HNRNPM: variants seen among roughly 807,000 people sequenced by gnomAD.
The protein encoded by HNRNPM is CEA receptor.
Under a neutral mutation model 73.1 loss-of-function variants are expected in HNRNPM, and 11 were observed. The ratio of observed to expected loss-of-function variants is 0.15; its 90% CI spans 0.09 to 0.25. The LOEUF is 0.25. Ranked by LOEUF, HNRNPM falls within the 10% of genes least tolerant of loss-of-function variation. The pLI is 1.00. For missense variants in HNRNPM, 789 were observed against 1,067.9 expected (o/e 0.74, Z 3.64); for synonymous variants, 407 against 355.2 (o/e 1.15, Z -1.64).
At chr19:8,476,995 C>T (rs1235008464) in intron 12 of HNRNPM, among the ~76,000 whole-genome samples, 1 of 152,074 alleles carries the variant, frequency 6.6e-6, no homozygotes, top group East Asian at 1.9e-4. Context: ...TTAAGCCCAC[C>T]ATTGGCAGCC....
In HNRNPM at chr19:8,461,427, G is replaced by C. The variant is rs974402031; in HGVS notation, c.284-1102G>C. On this transcript the variant is annotated intron_variant, in intron 2 of 15. Coordinates refer to ENST00000325495, the MANE Select transcript of HNRNPM (RefSeq NM_005968.5). Reference sequence around the variant, plus strand: ...TACTGCTAAACCAAACCGATCCAGAGGACAACAAAAGCCCATTTTTTGCCT... The same window carrying C: ...TACTGCTAAACCAAACCGATCCAGACGACAACAAAAGCCCATTTTTTGCCT... Among the ~76,000 whole-genome samples the C allele has an allele frequency of 2.5e-4, 38 of 152,166 alleles. 1 individual carries two copies. The highest frequency in any genetic ancestry group is 9.2e-4 in the African/African-American group (38 of 41,422).
intron 12 of HNRNPM, among the ~76,000 whole-genome samples, chr19:8,482,091 G>A (rs963245312): frequency 1.1e-4 from 17 of 150,142 alleles, no homozygotes; most frequent in Admixed American, 1.0e-3. Flanking sequence ...TCCCGCCTCA[G>A]CCTCCTGAGT....
Position 8,465,710 on chromosome 19 carries a change from G to A in HNRNPM, c.630+195G>A, listed in dbSNP as rs148026964. 1.2e-3 allele frequency among the ~76,000 whole-genome samples: 185 copies of A among 152,300 alleles called. 2 individuals are homozygous for A. Among genetic ancestry groups the A allele is most frequent in the African/African-American group, 4.3e-3 (179 of 41,564 alleles). Reference sequence around the variant, plus strand: ...AAGTCACAGGCTTGACCGTGGTCTCGTTGGGGCTGTGATTCCTGAGTTTCG... The same window carrying A: ...AAGTCACAGGCTTGACCGTGGTCTCATTGGGGCTGTGATTCCTGAGTTTCG... On this transcript the variant is annotated intron_variant, in intron 6 of 15. Coordinates refer to ENST00000325495, the MANE Select transcript of HNRNPM (RefSeq NM_005968.5).
chr19:8,456,294 C>G (rs547913782), intron 2 of HNRNPM, among the ~76,000 whole-genome samples: 1 of 152,226 alleles, frequency 6.6e-6, no homozygotes, highest in Non-Finnish European at 1.5e-5. Context: ...GATCCTCACC[C>G]CCGTGCACAC....
chr19:8,486,462 C>A, intron 14 of HNRNPM, 57 bp downstream of exon 14: 1 of 1,427,756 alleles, frequency 7.0e-7, no homozygotes, highest in Non-Finnish European at 9.4e-7. Context: ...ACAGGGGAGG[C>A]AAAGATCAGC....
chr19:8,484,085 T>C (rs534666907), intron 13 of HNRNPM, among the ~76,000 whole-genome samples: 1 of 152,186 alleles, frequency 6.6e-6, no homozygotes, highest in East Asian at 1.9e-4. Context: ...CAGCCTGATT[T>C]TCCCTCTGAG....
At chr19:8,483,308 A>ATC (rs1971049117) in intron 13 of HNRNPM, 97 bp downstream of exon 13, 3 of 912,262 alleles carry the variant, frequency 3.3e-6, no homozygotes, top group Non-Finnish European at 5.4e-6. Flanking sequence ...GTTCTGACAC[A>ATC]GACTGCCCGG....
At chr19:8,479,919 C>T (rs375118452) in intron 12 of HNRNPM, among the ~76,000 whole-genome samples, 2 of 149,444 alleles carry the variant, frequency 1.3e-5, no homozygotes, top group African/African-American at 2.5e-5. Context: ...GGATTACAGG[C>T]GCGTGCCCCC....
At position 8,466,221 on chromosome 19, in the gene HNRNPM, T is replaced by C; in HGVS notation, c.631-14T>C. On this transcript the variant is annotated splice_polypyrimidine_tract_variant and intron_variant, in intron 6 of 15. Transcript: ENST00000325495. ...GTTTACATTGAGGTTTTTACCCCGT[T>C]CTCTCTCGATTAGCTGGATTATAAA... The C allele has an allele frequency of 6.2e-7, 1 of 1,608,910 alleles. No individual in the cohort carries two copies. The highest frequency in any genetic ancestry group is 1.7e-5 in the Admixed American group (1 of 58,228).
At chr19:8,466,700 C>T (rs1403170867) in intron 7 of HNRNPM, among the ~76,000 whole-genome samples, 5 of 151,794 alleles carry the variant, frequency 3.3e-5, no homozygotes, top group Non-Finnish European at 7.4e-5. Context: ...GTGGTGGGTG[C>T]CTGTAATCCC....
At chr19:8,477,858 C>G (rs1299008558) in intron 12 of HNRNPM, among the ~76,000 whole-genome samples, 1 of 152,168 alleles carries the variant, frequency 6.6e-6, no homozygotes, top group African/African-American at 2.4e-5. Flanking sequence ...GGCTTCTGCA[C>G]TGGATTTGAG....
intron 2 of HNRNPM, among the ~76,000 whole-genome samples, chr19:8,461,049 C>CT (rs1437836413): frequency 1.3e-5 from 2 of 152,176 alleles, no homozygotes; most frequent in Non-Finnish European, 2.9e-5. Flanking sequence ...AGTACATACT[C>CT]TAAAAGTAAA....
intron 15 of HNRNPM, 33 bp from the exon 16 acceptor site, chr19:8,488,658 T>C (rs746661797): frequency 1.3e-6 from 2 of 1,589,288 alleles, no homozygotes; most frequent in South Asian, 1.1e-5. Context: ...AAATCGGGAC[T>C]GAGTGTCGTC....
intron 1 of HNRNPM, among the ~76,000 whole-genome samples, chr19:8,454,929 G>C (rs1968897795): frequency 6.6e-6 from 1 of 152,092 alleles, no homozygotes; most frequent in African/African-American, 2.4e-5. Flanking sequence ...TTTCTGCCCT[G>C]TGGAGCCTTG....
chr19:8,451,703 A>AT (rs958115411), intron 1 of HNRNPM, among the ~76,000 whole-genome samples: 15 of 151,014 alleles, frequency 9.9e-5, no homozygotes, highest in Non-Finnish European at 1.8e-4. Flanking sequence ...AATTTTTTGT[A>AT]TTTTTTTTGT....
intron 11 of HNRNPM, 22 bp downstream of exon 11, chr19:8,473,730 A>G (rs1970318543): frequency 2.8e-6 from 4 of 1,406,940 alleles, no homozygotes; most frequent in Non-Finnish European, 4.0e-6. Context: ...AAAATGAAGT[A>G]CAAGCATAAT....
At chr19:8,445,965 C>T (rs1434367309) in intron 1 of HNRNPM, among the ~76,000 whole-genome samples, 2 of 152,186 alleles carry the variant, frequency 1.3e-5, no homozygotes, top group Non-Finnish European at 2.9e-5. Context: ...TCTTTGACTC[C>T]TTGGCTTTTA....
intron 2 of HNRNPM, among the ~76,000 whole-genome samples, chr19:8,459,813 G>A (rs943943923): frequency 7.2e-5 from 11 of 152,112 alleles, no homozygotes; most frequent in African/African-American, 2.4e-4. Context: ...TAAGAATAAG[G>A]CAGTCTTTTT....
At position 8,468,788 on chromosome 19, in the gene HNRNPM, A is replaced by G; in HGVS notation, c.849A>G (p.Leu283=). ...TTCTCTTTCAGGATGAGAGGGCCTT[A>G]CCAAAAGGAGATTTCTTCCCTCCTG... ...PMHVKMDERA[L]PKGDFFPPER... The change falls in exon 9 of 16, where the codon TTA becomes TTG. Residue 283 remains leucine, a synonymous_variant. Coordinates refer to ENST00000325495, the MANE Select transcript of HNRNPM (RefSeq NM_005968.5). 1 of 1,613,756 alleles carries G rather than the reference A, an allele frequency of 6.2e-7. No individual in the cohort carries two copies.
Sources: allele counts gnomAD v4.1 joint callset (sites outside exome capture counted in the v4.1 genomes callset), GRCh38; gene constraint gnomAD v4.1.1; transcripts MANE v1.5; gene names NCBI Gene and HGNC (gene_info 2026-07-23, HGNC 2026-07-21).